The following SEMA3A variants were observed in gnomAD, a reference collection of about 807,000 sequenced individuals.
SEMA3A encodes the protein semaphorin-3A.
SEMA3A carries 29 observed loss-of-function variants against 97.9 expected under a neutral mutation model. That is an observed-to-expected ratio of 0.30 (90% CI 0.22 to 0.40). The LOEUF (loss-of-function observed/expected upper bound fraction) is 0.40, where lower values mean the gene tolerates loss of function less well. Ranked by LOEUF, SEMA3A falls within the 10% of genes least tolerant of loss-of-function variation. The pLI is 1.00. For synonymous variants in SEMA3A, 321 were observed against 323.7 expected (o/e 0.99, Z 0.09); for missense variants, 763 against 951.3 (o/e 0.80, Z 2.60).
At chr7:83,999,684 AC>A (rs1021494356) in intron 12 of SEMA3A, among the ~76,000 whole-genome samples, 11 of 152,244 alleles carry the variant, frequency 7.2e-5, no homozygotes, top group African/African-American at 2.4e-4. Flanking sequence ...TAGTTAATGA[AC>A]CCTGTTTTAA....
At chr7:84,100,586 G>C (rs1447501279) in intron 4 of SEMA3A, among the ~76,000 whole-genome samples, 3 of 152,136 alleles carry the variant, frequency 2.0e-5, no homozygotes, top group Non-Finnish European at 2.9e-5. Flanking sequence ...TATTATTGCA[G>C]ATGTCTTTAC....
intron 1 of SEMA3A, among the ~76,000 whole-genome samples, chr7:84,142,717 T>C (rs1796328262): frequency 1.3e-5 from 2 of 152,328 alleles, no homozygotes; most frequent in South Asian, 4.1e-4. Flanking sequence ...GCTAATCTTA[T>C]CTACAACTAT....
At chr7:84,236,516 C>T (rs1392842943) in intron 3 of SEMA3A, among the ~76,000 whole-genome samples, 1 of 152,076 alleles carries the variant, frequency 6.6e-6, no homozygotes, top group Admixed American at 6.6e-5. Context: ...GCATTTCAGG[C>T]CCTTCCTCCA....
intron 2 of SEMA3A, among the ~76,000 whole-genome samples, chr7:84,313,516 A>G (rs1801417341): frequency 6.7e-6 from 1 of 150,110 alleles, no homozygotes; most frequent in South Asian, 2.1e-4. Context: ...CTATTCTAAA[A>G]TTATTTGCAG....
At chr7:84,213,760 A>C (rs960316414) in intron 3 of SEMA3A, among the ~76,000 whole-genome samples, 4 of 152,226 alleles carry the variant, frequency 2.6e-5, no homozygotes, top group Admixed American at 6.5e-5. Flanking sequence ...AAAGAATTTA[A>C]TACTGGCTTA....
chr7:84,116,997 C>T (rs2372033), intron 3 of SEMA3A, among the ~76,000 whole-genome samples: 110,037 of 152,090 alleles, frequency 0.72, 40,314 homozygotes, highest in East Asian at 0.91. Flanking sequence ...TCAGAACATA[C>T]ATGGTAACAG....
intron 1 of SEMA3A, among the ~76,000 whole-genome samples, chr7:84,151,818 G>C (rs546399428): frequency 6.6e-6 from 1 of 152,212 alleles, no homozygotes; most frequent in Non-Finnish European, 1.5e-5. Flanking sequence ...CTAATATCCA[G>C]AATGTACAAC....
intron 5 of SEMA3A, among the ~76,000 whole-genome samples, chr7:84,047,401 G>A (rs1583868217): frequency 6.6e-6 from 1 of 152,104 alleles, no homozygotes; most frequent in Admixed American, 6.6e-5. Context: ...TGTAAATAAT[G>A]TTATCCTTAT....
rs551340045 is a variant in SEMA3A, at chr7:84,479,484, T to A, written c.-246+12976A>T. 2.0e-5 allele frequency among the ~76,000 whole-genome samples: 3 copies of A among 152,288 alleles called. No homozygotes were observed. In the East Asian group the frequency reaches 5.8e-4, roughly 29 times the overall value. ...GTTGCACACAAAAATGTAGACATCA[T>A]GGCCCCTGTGTTAAAAATGCTTAGT... On this transcript the variant is annotated intron_variant, in intron 1 of 3. Transcript: ENST00000424555.
At chr7:84,279,242 G>T (rs1156977670) in intron 3 of SEMA3A, among the ~76,000 whole-genome samples, 2 of 151,962 alleles carry the variant, frequency 1.3e-5, no homozygotes, top group Non-Finnish European at 2.9e-5. Context: ...CAGGTTACTT[G>T]GTCACTTAAG....
chr7:84,150,229 T>C (rs1796588012), intron 1 of SEMA3A, among the ~76,000 whole-genome samples: 1 of 152,206 alleles, frequency 6.6e-6, no homozygotes, highest in African/African-American at 2.4e-5. Context: ...GAAATTGCTG[T>C]AGAAGCTGAG....
chr7:84,320,185 T>C (rs1476499838), intron 2 of SEMA3A, among the ~76,000 whole-genome samples: 3 of 152,284 alleles, frequency 2.0e-5, no homozygotes, highest in East Asian at 1.9e-4. Flanking sequence ...AAATTTAATA[T>C]GGTTAGTCTT....
intron 1 of SEMA3A, among the ~76,000 whole-genome samples, chr7:84,403,618 C>T (rs1156960086): frequency 1.1e-4 from 17 of 152,142 alleles, no homozygotes; most frequent in African/African-American, 1.7e-4. Flanking sequence ...CCCTGACCCC[C>T]GAGCAGCCTA....
At chr7:84,233,836 G>A (rs1252311289) in intron 3 of SEMA3A, among the ~76,000 whole-genome samples, 1 of 151,980 alleles carries the variant, frequency 6.6e-6, no homozygotes, top group Non-Finnish European at 1.5e-5. Context: ...ATGCAAAGAT[G>A]TAGCAGTGCT....
intron 1 of SEMA3A, among the ~76,000 whole-genome samples, chr7:84,391,232 T>C (rs966728773): frequency 6.6e-6 from 1 of 152,204 alleles, no homozygotes; most frequent in Non-Finnish European, 1.5e-5. Context: ...AGCTTAAATA[T>C]GTGTCAGCAA....
chr7:84,069,966 T>C (rs1465307413), intron 4 of SEMA3A, among the ~76,000 whole-genome samples: 4 of 152,172 alleles, frequency 2.6e-5, no homozygotes, highest in Non-Finnish European at 5.9e-5. Context: ...GACCACTATC[T>C]GGCTTTACTT....
intron 1 of SEMA3A, among the ~76,000 whole-genome samples, chr7:84,425,058 TTATAATTTATAAA>T (rs1804757393): frequency 9.5e-6 from 1 of 105,372 alleles, no homozygotes; most frequent in South Asian, 3.0e-4. Context: ...AATTATATAA[TTATAATTTATAAA>T]TATAATTTAT....
intron 5 of SEMA3A, among the ~76,000 whole-genome samples, chr7:84,054,252 G>T (rs1208735156): frequency 1.1e-3 from 167 of 151,426 alleles, no homozygotes; most frequent in African/African-American, 4.0e-3. Flanking sequence ...GAATCTGAAC[G>T]TTGGCTTGCC....
rs1465963454 is a variant in SEMA3A at position 83,960,794 on chromosome 7, CA to C, written c.*576del. ...ACATCAGTAGTAGATCAGTGTATTC[CA>C]TTTTTCTTCTGGATGATGGATGGCT... is the stretch of plus-strand genomic sequence containing the variant. On this transcript the variant is annotated 3_prime_UTR_variant, in exon 17 of 17. Coordinates refer to ENST00000265362, the MANE Select transcript of SEMA3A (RefSeq NM_006080.3). The C allele has an allele frequency of 2.6e-5, 4 of 152,504 alleles. No individual in the cohort carries two copies. Among genetic ancestry groups the C allele is most frequent in the Non-Finnish European group, 4.4e-5 (3 of 68,908 alleles). 9.4% of individuals were successfully genotyped at this position (152,504 alleles called of 1,614,324 possible).
Sources: allele counts gnomAD v4.1 joint callset (sites outside exome capture counted in the v4.1 genomes callset), GRCh38; gene constraint gnomAD v4.1.1; transcripts MANE v1.5; gene names NCBI Gene and HGNC (gene_info 2026-07-23, HGNC 2026-07-21).